CXCL17: variants seen among roughly 807,000 people sequenced by gnomAD.
CXCL17 encodes C-X-C motif chemokine 17.
A neutral mutation model predicts 15.5 loss-of-function variants in CXCL17; 9 were observed. That is an observed-to-expected ratio of 0.58 (90% CI 0.35 to 1.01). CXCL17 has a LOEUF of 1.01. Among genes scored for constraint, CXCL17 ranks in the 50% least tolerant of loss-of-function variants. The pLI is 0.02. For missense variants in CXCL17, 133 were observed against 138.2 expected (o/e 0.96, Z 0.19); for synonymous variants, 52 against 52.3 (o/e 0.99, Z 0.02).
Position 42,435,455 on chromosome 19 carries a change from A to T in CXCL17, c.80-1599T>A, listed in dbSNP as rs62114383. On this transcript the variant is annotated intron_variant, in intron 1 of 3. Coordinates refer to ENST00000601181, the MANE Select transcript of CXCL17 (RefSeq NM_198477.3). Reference sequence around the variant, plus strand: ...CCCCAGTACCTCAGAATGACTGTATATGGAGATAGGACCTTTAAAGAGGTG... The same window carrying T: ...CCCCAGTACCTCAGAATGACTGTATTTGGAGATAGGACCTTTAAAGAGGTG... 3.9e-3 allele frequency among the ~76,000 whole-genome samples: 587 copies of T among 152,272 alleles called. 2 individuals carry two copies. The highest frequency in any genetic ancestry group is 6.9e-3 in the Non-Finnish European group (468 of 68,022).
chr19:42,442,852 G>C lies in CXCL17; in HGVS notation c.-20C>G. ...TTTCATCGCAACTGTCGGTGCAGCT[G>C]TAAGTTGCTTGAAGAATATAATGGA... On this transcript the variant is annotated 5_prime_UTR_variant, in exon 1 of 4. Transcript: ENST00000601181. 1 of 1,600,006 alleles carries C rather than the reference G, an allele frequency of 6.2e-7. No homozygotes were observed. The highest frequency in any genetic ancestry group is 8.6e-7 in the Non-Finnish European group (1 of 1,167,558).
rs1041589068 is a variant in CXCL17 at position 42,436,450 on chromosome 19, A to G, written c.80-2594T>C. Among the ~76,000 whole-genome samples the G allele has an allele frequency of 2.0e-5, 3 of 152,116 alleles. No homozygotes were observed. The South Asian group carries it at 6.2e-4, about 31-fold the overall frequency. ...AATATTAGACCTTGAAGGAAATCCCAGAGATTATTTAATTGAATTCCTTAA... is the reference window on the plus strand; with the variant it reads ...AATATTAGACCTTGAAGGAAATCCCGGAGATTATTTAATTGAATTCCTTAA... On this transcript the variant is annotated intron_variant, in intron 1 of 3. Coordinates refer to ENST00000601181, the MANE Select transcript of CXCL17 (RefSeq NM_198477.3).
intron 3 of CXCL17, among the ~76,000 whole-genome samples, chr19:42,431,915 A>G (rs570327141): frequency 6.6e-6 from 1 of 151,728 alleles, no homozygotes; most frequent in East Asian, 1.9e-4. Context: ...TTATTTGTCA[A>G]TACAAATACT....
At chr19:42,438,408 A>T (rs937390347) in intron 1 of CXCL17, among the ~76,000 whole-genome samples, 55 of 90,178 alleles carry the variant, frequency 6.1e-4, no homozygotes, top group African/African-American at 2.8e-3. Context: ...ATATATATAA[A>T]ATACACACAC....
chr19:42,438,614 G>T (rs2040861469), intron 1 of CXCL17, among the ~76,000 whole-genome samples: 1 of 151,686 alleles, frequency 6.6e-6, no homozygotes, highest in Admixed American at 6.6e-5. Context: ...AGAGGGCCTA[G>T]AAGCACCAGC....
intron 1 of CXCL17, among the ~76,000 whole-genome samples, chr19:42,434,977 A>G (rs1033540377): frequency 2.0e-5 from 3 of 151,708 alleles, no homozygotes; most frequent in African/African-American, 7.3e-5. Context: ...CAGGAGGTCA[A>G]GACCATCCTG....
chr19:42,442,044 T>C (rs1370096177), intron 1 of CXCL17, among the ~76,000 whole-genome samples: 1 of 152,102 alleles, frequency 6.6e-6, no homozygotes, highest in Admixed American at 6.5e-5. Flanking sequence ...AAAGGTACCA[T>C]TGCCTTCAAC....
intron 2 of CXCL17, 149 bp from the exon 3 acceptor site, chr19:42,433,226 G>C: frequency 1.7e-6 from 1 of 604,704 alleles, no homozygotes; most frequent in South Asian, 2.1e-5. Flanking sequence ...TGTCCATCCA[G>C]CTATTTGAAT....
chr19:42,433,932 G>A, intron 1 of CXCL17, 76 bp from the exon 2 acceptor site: 1 of 1,035,032 alleles, frequency 9.7e-7, no homozygotes, highest in Non-Finnish European at 1.5e-6. Context: ...GTTCTACCTA[G>A]GTCAGCACAG....
chr19:42,428,800 T>A lies in CXCL17; in HGVS notation c.*84A>T. Reference sequence around the variant, plus strand: ...GGGTGGGTACAGTGGGAGAGTGAGGTGGGAGAAGAAGAGTGTCTGGTAGGT... The same window carrying A: ...GGGTGGGTACAGTGGGAGAGTGAGGAGGGAGAAGAAGAGTGTCTGGTAGGT... On this transcript the variant is annotated 3_prime_UTR_variant, in exon 4 of 4. Coordinates refer to ENST00000601181, the MANE Select transcript of CXCL17 (RefSeq NM_198477.3). 2 of 980,286 alleles carry A rather than the reference T, an allele frequency of 2.0e-6. No homozygotes were observed. Among genetic ancestry groups the A allele is most frequent in the Non-Finnish European group, 3.3e-6 (2 of 605,364 alleles). The allele number at this position is 980,286 out of a possible 1,614,324, so 60.7% of individuals were successfully genotyped here. A position where few individuals can be genotyped will look rare whatever the true frequency, so the allele number is the denominator to read the frequency against.
Position 42,442,946 on chromosome 19 carries a change from T to C in CXCL17, c.-114A>G. The C allele has an allele frequency of 2.7e-6, 2 of 735,462 alleles. No individual in the cohort carries two copies. Among genetic ancestry groups the C allele is most frequent in the Middle Eastern group, 2.5e-4 (1 of 4,072 alleles). The allele number at this position is 735,462 out of a possible 1,614,324, so 45.6% of individuals were successfully genotyped here. On this transcript the variant is annotated 5_prime_UTR_variant, in exon 1 of 4. Transcript: ENST00000601181. Reference sequence around the variant, plus strand: ...TCAGGATACTCAGCCTGGTGGTCTATGCTTTAGTCCCAGGCCAGCGTTCCC... The same window carrying C: ...TCAGGATACTCAGCCTGGTGGTCTACGCTTTAGTCCCAGGCCAGCGTTCCC...
At chr19:42,429,910 A>G (rs932717711) in intron 3 of CXCL17, among the ~76,000 whole-genome samples, 1 of 152,110 alleles carries the variant, frequency 6.6e-6, no homozygotes, top group African/African-American at 2.4e-5. Flanking sequence ...GCTTGTGCCT[A>G]TAATCTCAGC....
intron 1 of CXCL17, 37 bp downstream of exon 1, chr19:42,442,717 T>A: frequency 6.8e-7 from 1 of 1,475,716 alleles, no homozygotes; most frequent in Non-Finnish European, 9.4e-7. Context: ...GCCACATTTC[T>A]CCCCCCGTTT....
intron 3 of CXCL17, among the ~76,000 whole-genome samples, chr19:42,432,551 T>C (rs2040794216): frequency 6.6e-6 from 1 of 152,148 alleles, no homozygotes; most frequent in Admixed American, 6.5e-5. Flanking sequence ...GAAGGATCAC[T>C]TGAGCCCAGG....
rs2040741785 is a variant in CXCL17 at position 42,428,678 on chromosome 19, C to A, written c.*206G>T. The A allele has an allele frequency of 2.0e-6, 1 of 499,420 alleles. No homozygotes were observed. Among genetic ancestry groups the A allele is most frequent in the African/African-American group, 1.9e-5 (1 of 51,664 alleles). 30.9% of individuals were successfully genotyped at this position (499,420 alleles called of 1,614,324 possible). A position where few individuals can be genotyped will look rare whatever the true frequency, so the allele number is the denominator to read the frequency against. ...AGCCTAAGCCTGGGTAAGGGGAGGGCACAGGCTAAGACTGACGAGAGAAGA... is the reference window on the plus strand; with the variant it reads ...AGCCTAAGCCTGGGTAAGGGGAGGGAACAGGCTAAGACTGACGAGAGAAGA... On this transcript the variant is annotated 3_prime_UTR_variant, in exon 4 of 4. Coordinates refer to ENST00000601181, the MANE Select transcript of CXCL17 (RefSeq NM_198477.3).
intron 1 of CXCL17, 152 bp downstream of exon 1, chr19:42,442,602 T>C: frequency 1.7e-6 from 1 of 594,124 alleles, no homozygotes; most frequent in Non-Finnish European, 3.0e-6. Context: ...TAAGTACAGT[T>C]TGCTGTTTTT....
rs1273403828 is a variant in CXCL17 at position 42,433,046 on chromosome 19, G to T, written c.192C>A (p.Phe64Leu). 6.2e-7 allele frequency: 1 copy of T among 1,613,992 alleles called. No homozygotes were observed. The highest frequency in any genetic ancestry group is 1.7e-5 in the Admixed American group (1 of 59,984). ...TCTTTGGCAGCCCAGACACTGTCAT[G>T]AATTTTCTTCTCGGGGCTCTCAGGA... ...DWFLRAPRRK[F>L]MTVSGLPKKQ... The change falls in exon 3 of 4, where the codon TTC (phenylalanine) becomes TTA (leucine). Residue 64 changes from phenylalanine (F) to leucine (L), a missense_variant. By Grantham distance (22) the Phe-to-Leu change is conservative. Coordinates refer to ENST00000601181, the MANE Select transcript of CXCL17 (RefSeq NM_198477.3).
intron 1 of CXCL17, among the ~76,000 whole-genome samples, chr19:42,437,422 C>T (rs2040844629): frequency 6.6e-6 from 1 of 152,192 alleles, no homozygotes; most frequent in East Asian, 1.9e-4. Flanking sequence ...TTGGGAACCA[C>T]TGATACAGTG....
At chr19:42,429,752 C>T (rs774598834) in intron 3 of CXCL17, among the ~76,000 whole-genome samples, 2 of 152,154 alleles carry the variant, frequency 1.3e-5, no homozygotes, top group Admixed American at 6.5e-5. Flanking sequence ...ACACATTTTC[C>T]AGGGCTAACC....
Sources: gnomAD v4.1 joint callset for allele counts (sites outside exome capture counted in the v4.1 genomes callset) on GRCh38, gnomAD v4.1.1 for gene constraint, MANE v1.5 for transcripts, NCBI Gene and HGNC (gene_info 2026-07-23, HGNC 2026-07-21) for gene names.